STK17B: variants seen among roughly 807,000 people sequenced by gnomAD.
STK17B encodes serine/threonine kinase 17b.
STK17B carries 21 observed loss-of-function variants against 42.0 expected under a neutral mutation model. The ratio of observed to expected loss-of-function variants is 0.50; its 90% confidence interval spans 0.35 to 0.72. The LOEUF (loss-of-function observed/expected upper bound fraction) is 0.72, where lower values mean the gene tolerates loss of function less well. Among genes scored for constraint, STK17B ranks in the 30% least tolerant of loss-of-function variants. The pLI is 0.00. For missense variants in STK17B, 349 were observed against 446.0 expected, an observed-to-expected ratio of 0.78 and a Z score of 1.96; for synonymous variants, 143 against 148.4, an observed-to-expected ratio of 0.96 and a Z score of 0.26.
intron 3 of STK17B, among the ~76,000 whole-genome samples, chr2:196,155,780 G>C (rs1162708289): frequency 6.6e-6 from 1 of 152,068 alleles, no homozygotes; most frequent in Non-Finnish European, 1.5e-5. Flanking sequence ...CAATATACTA[G>C]GTAACAAACC....
chr2:196,162,577 T>C (rs956052783), intron 2 of STK17B, among the ~76,000 whole-genome samples: 1 of 152,124 alleles, frequency 6.6e-6, no homozygotes, highest in Non-Finnish European at 1.5e-5. Flanking sequence ...TCACCCCTAC[T>C]TTTCAGATGA....
intron 1 of STK17B, chr2:196,166,000 G>C (rs142074970): frequency 1.3e-4 from 20 of 152,106 alleles, no homozygotes. Flanking sequence ...TTCTGATAGC[G>C]CTCAGTTTCA....
intron 2 of STK17B, among the ~76,000 whole-genome samples, chr2:196,161,183 C>A (rs941913288): frequency 3.3e-4 from 50 of 151,668 alleles, no homozygotes; most frequent in African/African-American, 1.2e-3. Flanking sequence ...AAGATTGCTG[C>A]GCTGCATACA....
upstream of STK17B, among the ~76,000 whole-genome samples, chr2:196,174,715 G>A (rs1322668263): frequency 6.6e-6 from 1 of 152,248 alleles, no homozygotes; most frequent in African/African-American, 2.4e-5. Context: ...TACTCAGATG[G>A]AGATGTCGCA....
chr2:196,174,525 C>T (rs1353670036), upstream of STK17B: 3 of 152,342 alleles, frequency 2.0e-5, no homozygotes, highest in Admixed American at 2.0e-4. Flanking sequence ...ACAAGCTCTA[C>T]TACCTGTCTA....
At position 196,144,114 on chromosome 2, in the gene STK17B, G is replaced by T. The variant is rs1438896428; in HGVS notation, c.481-428C>A. On this transcript the variant is annotated intron_variant, in intron 4 of 7. Coordinates refer to ENST00000263955, the MANE Select transcript of STK17B (RefSeq NM_004226.4). ...GCTACTCTGGAGGCAGGGGTGGGAG[G>T]ATCGTTTGAGCTCAGGAGTTCAAGA... is the stretch of plus-strand genomic sequence containing the variant. Among the ~76,000 whole-genome samples, 7 of 151,532 alleles carry T rather than the reference G, an allele frequency of 4.6e-5. No homozygotes were observed. In the East Asian group the frequency reaches 1.4e-3, roughly 29 times the overall value.
At chr2:196,140,810 G>A (rs1699483926) in intron 6 of STK17B, among the ~76,000 whole-genome samples, 1 of 152,016 alleles carries the variant, frequency 6.6e-6, no homozygotes, top group African/African-American at 2.4e-5. Context: ...TGATCCACCT[G>A]CCTTGGCCTC....
chr2:196,138,712 A>C (rs1699446222), intron 7 of STK17B, among the ~76,000 whole-genome samples: 1 of 152,028 alleles, frequency 6.6e-6, no homozygotes, highest in South Asian at 2.1e-4. Context: ...AGTAGCTGGA[A>C]CTATAGGTGC....
At chr2:196,155,011 T>C (rs1699720208) in intron 3 of STK17B, 1 of 152,258 alleles carries the variant, frequency 6.6e-6, no homozygotes, top group South Asian at 2.1e-4. Flanking sequence ...ATCCATAAAA[T>C]GTCTCAAATC....
At position 196,135,838 on chromosome 2, in the gene STK17B, G is replaced by A. The variant is rs1699393397; in HGVS notation, c.*1609C>T. ...CCTGAGTTGAGCACAATATACCACA[G>A]CAAAGAATCTTGAAAAGTGTCTAAA... On this transcript the variant is annotated 3_prime_UTR_variant, in exon 8 of 8. Coordinates refer to ENST00000263955, the MANE Select transcript of STK17B (RefSeq NM_004226.4). The A allele has an allele frequency of 7.1e-6, 1 of 141,038 alleles. No individual in the cohort carries two copies. The highest frequency in any genetic ancestry group is 2.6e-5 in the African/African-American group (1 of 38,234). The allele number at this position is 141,038 out of a possible 1,614,324, so 8.7% of individuals were successfully genotyped here.
rs1699568188 is a variant in STK17B at position 196,146,022 on chromosome 2, T to C, written c.369A>G (p.Leu123=). ...AAGGEIFSLC[L]PELAEMVSEN... is the part of the protein sequence containing the mutation. ...CAGAAACCATTTCAGCCAACTCAGG[T>C]AAACACAGGCTGAAAATTTCTCCAC... is the stretch of plus-strand genomic sequence containing the variant. Residue 123 remains leucine, a synonymous_variant, in exon 4 of 8, where the codon TTA becomes TTG. Coordinates refer to ENST00000263955, the MANE Select transcript of STK17B (RefSeq NM_004226.4). The C allele has an allele frequency of 1.3e-6, 2 of 1,597,558 alleles. No homozygotes were observed. The highest frequency in any genetic ancestry group is 1.7e-6 in the Non-Finnish European group (2 of 1,175,702).
rs149637272 is a variant in STK17B, at chr2:196,164,840, A to G, written c.-44-1413T>C. ...ATTAAATTAAAATTATAGCTTTCAC[A>G]TAACTAGATAGTAAAATTGTTTTCT... On this transcript the variant is annotated intron_variant, in intron 1 of 7. Coordinates refer to ENST00000263955, the MANE Select transcript of STK17B (RefSeq NM_004226.4). 8.4e-3 allele frequency among the ~76,000 whole-genome samples: 1,284 copies of G among 152,356 alleles called. 14 individuals carry two copies. The highest frequency in any genetic ancestry group is 0.011 in the Non-Finnish European group (759 of 68,026).
chr2:196,159,173 T>C (rs1699779892), intron 2 of STK17B, among the ~76,000 whole-genome samples: 1 of 152,162 alleles, frequency 6.6e-6, no homozygotes, highest in Non-Finnish European at 1.5e-5. Context: ...CAGAAACTAG[T>C]TAGCCAAGAA....
intron 1 of STK17B, among the ~76,000 whole-genome samples, chr2:196,165,071 C>T (rs970593729): frequency 6.6e-6 from 1 of 152,118 alleles, no homozygotes; most frequent in Non-Finnish European, 1.5e-5. Flanking sequence ...TTGTGTCCTC[C>T]CCCAAATTCC....
intron 4 of STK17B, among the ~76,000 whole-genome samples, chr2:196,144,761 A>G (rs1699547848): frequency 6.6e-6 from 1 of 152,036 alleles, no homozygotes; most frequent in East Asian, 1.9e-4. Flanking sequence ...GGCCTATTAC[A>G]AAGTCCCCTG....
At chr2:196,170,279 A>G (rs957363970) in intron 1 of STK17B, among the ~76,000 whole-genome samples, 51 of 152,224 alleles carry the variant, frequency 3.4e-4, no homozygotes, top group African/African-American at 1.2e-3. Flanking sequence ...CTCCGCGCAG[A>G]CATTCTCATA....
chr2:196,149,262 C>T (rs1699628959), intron 3 of STK17B, among the ~76,000 whole-genome samples: 1 of 151,728 alleles, frequency 6.6e-6, no homozygotes, highest in Non-Finnish European at 1.5e-5. Context: ...GTCCTGGGTT[C>T]AAGCAATTCT....
intron 3 of STK17B, among the ~76,000 whole-genome samples, chr2:196,155,444 T>C (rs1699725528): frequency 2.0e-5 from 3 of 152,296 alleles, no homozygotes; most frequent in African/African-American, 7.2e-5. Flanking sequence ...ATCTATTTCG[T>C]GGAACAAAAA....
chr2:196,163,517 C>T, intron 1 of STK17B, 90 bp from the exon 2 acceptor site: 1 of 910,152 alleles, frequency 1.1e-6, no homozygotes, highest in East Asian at 3.5e-5. Flanking sequence ...CTATAAAATA[C>T]AACTAAAAAA....
Sources: allele counts gnomAD v4.1 joint callset (sites outside exome capture counted in the v4.1 genomes callset), GRCh38; gene constraint gnomAD v4.1.1; transcripts MANE v1.5; gene names NCBI Gene and HGNC (gene_info 2026-07-23, HGNC 2026-07-21).